The following ZNF804B variants were observed in gnomAD, a reference collection of about 807,000 sequenced individuals.
The protein encoded by ZNF804B is zinc finger protein 804B, also known as zinc finger 804B.
ZNF804B carries 80 observed loss-of-function variants against 101.4 expected under a neutral mutation model. The observed-to-expected ratio is 0.79, with a 90% confidence interval of 0.66 to 0.95. The LOEUF is 0.95. Among genes scored for constraint, ZNF804B ranks in the 40% least tolerant of loss-of-function variants. ZNF804B has a pLI of 0.00. For synonymous variants in ZNF804B, 622 were observed against 558.8 expected (o/e 1.11, Z -1.59); for missense variants, 1,673 against 1,561.9 (o/e 1.07, Z -1.20).
chr7:89,259,624 C>A (rs1789681957), intron 2 of ZNF804B, among the ~76,000 whole-genome samples: 1 of 152,134 alleles, frequency 6.6e-6, no homozygotes, highest in Non-Finnish European at 1.5e-5. Flanking sequence ...CCTGATTTAG[C>A]AAGTAGACTA....
chr7:88,782,051 G>A (rs1214986763), intron 1 of ZNF804B, among the ~76,000 whole-genome samples: 1 of 151,798 alleles, frequency 6.6e-6, no homozygotes, highest in Non-Finnish European at 1.5e-5. Flanking sequence ...TTATAAAAGG[G>A]CTTTCTACAC....
At position 89,061,461 on chromosome 7, in the gene ZNF804B, G is replaced by A. The variant is rs539961749; in HGVS notation, c.109-156694G>A. Reference sequence around the variant, plus strand: ...CTAGAAAGTGTGAATTTAAGCTTATGTTCAAAATTTCAACTACCACCTACG... The same window carrying A: ...CTAGAAAGTGTGAATTTAAGCTTATATTCAAAATTTCAACTACCACCTACG... On this transcript the variant is annotated intron_variant, in intron 1 of 3. Coordinates refer to ENST00000333190, the MANE Select transcript of ZNF804B (RefSeq NM_181646.5). Among the ~76,000 whole-genome samples, 14 of 152,004 alleles carry A rather than the reference G, an allele frequency of 9.2e-5. No individual in the cohort carries two copies. In the South Asian group the frequency reaches 2.9e-3, roughly 32 times the overall value.
At chr7:89,141,149 A>G (rs755110834) in intron 1 of ZNF804B, among the ~76,000 whole-genome samples, 23 of 152,198 alleles carry the variant, frequency 1.5e-4, no homozygotes, top group Middle Eastern at 3.4e-3. Context: ...ATCTTAGATG[A>G]GTACAGTTCA....
intron 3 of ZNF804B, among the ~76,000 whole-genome samples, chr7:89,332,467 A>G (rs1791000885): frequency 6.6e-6 from 1 of 151,940 alleles, no homozygotes; most frequent in African/African-American, 2.4e-5. Context: ...AAAGAATGCC[A>G]GTTCAAAGCA....
chr7:88,992,466 G>C (rs778366670), intron 1 of ZNF804B, among the ~76,000 whole-genome samples: 1 of 152,024 alleles, frequency 6.6e-6, no homozygotes, highest in East Asian at 1.9e-4. Flanking sequence ...TAGTTCTATA[G>C]ACCAAAAATC....
At chr7:89,099,493 G>A (rs1790022379) in intron 1 of ZNF804B, among the ~76,000 whole-genome samples, 1 of 152,160 alleles carries the variant, frequency 6.6e-6, no homozygotes, top group South Asian at 2.1e-4. Context: ...AAAAGGTCCA[G>A]TTCAGTGAAA....
At chr7:88,775,463 C>A (rs1279248087) in intron 1 of ZNF804B, among the ~76,000 whole-genome samples, 2 of 152,214 alleles carry the variant, frequency 1.3e-5, no homozygotes, top group Admixed American at 6.5e-5. Flanking sequence ...AACTACAGAA[C>A]TAAACGTGAT....
intron 1 of ZNF804B, among the ~76,000 whole-genome samples, chr7:89,187,646 T>C (rs1226902138): frequency 1.3e-5 from 2 of 152,172 alleles, no homozygotes; most frequent in Non-Finnish European, 2.9e-5. Flanking sequence ...GAGTATTCAT[T>C]TTTTCTACTG....
chr7:88,895,305 C>T lies in ZNF804B; in HGVS notation c.108+135221C>T, dbSNP rs192362001. ...GGCAGATGGTAGAAGCGAAGCTTCT[C>T]ACTGTTAAAGTGGGAAGTTACATAT... On this transcript the variant is annotated intron_variant, in intron 1 of 3. Transcript: ENST00000333190. Among the ~76,000 whole-genome samples, 3 of 152,272 alleles carry T rather than the reference C, an allele frequency of 2.0e-5. No homozygotes were observed. In the East Asian group the frequency reaches 5.8e-4, roughly 29 times the overall value.
chr7:88,853,905 T>C (rs1161521091), intron 1 of ZNF804B, among the ~76,000 whole-genome samples: 1 of 152,146 alleles, frequency 6.6e-6, no homozygotes, highest in African/African-American at 2.4e-5. Flanking sequence ...TGTGTGTTTA[T>C]TGGTGCTAAT....
chr7:88,983,243 C>G (rs1793717018), intron 1 of ZNF804B, among the ~76,000 whole-genome samples: 1 of 152,064 alleles, frequency 6.6e-6, no homozygotes, highest in South Asian at 2.1e-4. Context: ...CTACATTTAA[C>G]AAGATCCTCA....
intron 2 of ZNF804B, among the ~76,000 whole-genome samples, chr7:89,312,920 A>C (rs943945142): frequency 3.3e-5 from 5 of 152,146 alleles, no homozygotes; most frequent in Admixed American, 6.6e-5. Context: ...TTTTTAATAG[A>C]ATTTAATTAT....
chr7:88,840,600 TC>T (rs1746376288), intron 1 of ZNF804B, among the ~76,000 whole-genome samples: 1 of 152,142 alleles, frequency 6.6e-6, no homozygotes, highest in African/African-American at 2.4e-5. Context: ...TAACTCAACT[TC>T]ATTTGTAGGA....
chr7:88,814,372 C>A (rs1287900768), intron 1 of ZNF804B, among the ~76,000 whole-genome samples: 3 of 151,384 alleles, frequency 2.0e-5, no homozygotes, highest in Non-Finnish European at 2.9e-5. Context: ...AGTTTATTTC[C>A]ATTCTGAGGT....
intron 1 of ZNF804B, among the ~76,000 whole-genome samples, chr7:88,888,536 A>G (rs957427120): frequency 6.6e-6 from 1 of 152,168 alleles, no homozygotes; most frequent in African/African-American, 2.4e-5. Context: ...AAAGATGATT[A>G]ATGCCAGAAA....
chr7:89,076,511 T>G (rs1258328713), intron 1 of ZNF804B, among the ~76,000 whole-genome samples: 2 of 152,140 alleles, frequency 1.3e-5, no homozygotes, highest in African/African-American at 4.8e-5. Context: ...TTCTTCCCAG[T>G]CTCAGGTATG....
At chr7:88,792,846 C>T (rs1196950911) in intron 1 of ZNF804B, among the ~76,000 whole-genome samples, 1 of 151,916 alleles carries the variant, frequency 6.6e-6, no homozygotes, top group Non-Finnish European at 1.5e-5. Flanking sequence ...TGAAGTATTA[C>T]AAAATTTGGA....
chr7:89,226,963 T>C (rs1382434681), intron 2 of ZNF804B, among the ~76,000 whole-genome samples: 5 of 152,208 alleles, frequency 3.3e-5, no homozygotes, highest in Admixed American at 1.3e-4. Flanking sequence ...CCCTCTTCCC[T>C]TACACATATA....
intron 2 of ZNF804B, among the ~76,000 whole-genome samples, chr7:89,243,314 G>C (rs1384901088): frequency 6.6e-6 from 1 of 151,570 alleles, no homozygotes. Flanking sequence ...TAATTTACTG[G>C]CACTTCAGAT....
Sources: gnomAD v4.1 joint callset for allele counts (sites outside exome capture counted in the v4.1 genomes callset) on GRCh38, gnomAD v4.1.1 for gene constraint, MANE v1.5 for transcripts, NCBI Gene and HGNC (gene_info 2026-07-23, HGNC 2026-07-21) for gene names.